The following SGCD variants were observed in gnomAD, a reference collection of about 807,000 sequenced individuals.
The protein encoded by SGCD is sarcoglycan delta.
Under a neutral mutation model 36.6 loss-of-function variants are expected in SGCD, and 18 were observed. The observed-to-expected ratio is 0.49, with a 90% confidence interval of 0.34 to 0.73. The LOEUF is 0.73. Ranked by LOEUF, SGCD falls within the 30% of genes least tolerant of loss-of-function variation. The probability of loss-of-function intolerance (pLI) is 0.01; values close to 1 mark genes in which losing one functional copy is unlikely to be tolerated. For missense variants in SGCD, 387 were observed against 346.7 expected, an observed-to-expected ratio of 1.12 and a Z score of -0.92; for synonymous variants, 133 against 130.6, an observed-to-expected ratio of 1.02 and a Z score of -0.12.
chr5:156,092,620 T>C (rs1373358097), intron 1 of SGCD, among the ~76,000 whole-genome samples: 1 of 152,238 alleles, frequency 6.6e-6, no homozygotes, highest in Non-Finnish European at 1.5e-5. Flanking sequence ...TACCCTTTTG[T>C]AGATTTCCAA....
At chr5:156,368,088 CT>C (rs112580356) in intron 3 of SGCD, among the ~76,000 whole-genome samples, 24 of 146,142 alleles carry the variant, frequency 1.6e-4, no homozygotes, top group East Asian at 3.9e-4. Flanking sequence ...TTCACGCTTG[CT>C]TTTTTTTTTT....
At chr5:156,680,730 G>A (rs1412745809) in intron 7 of SGCD, among the ~76,000 whole-genome samples, 1 of 152,246 alleles carries the variant, frequency 6.6e-6, no homozygotes, top group East Asian at 1.9e-4. Context: ...TGTGTGTGCT[G>A]TGTCTCAAGG....
At chr5:156,338,030 C>T (rs1768449006) in intron 2 of SGCD, among the ~76,000 whole-genome samples, 3 of 152,050 alleles carry the variant, frequency 2.0e-5, no homozygotes, top group African/African-American at 7.2e-5. Flanking sequence ...AGTAAAATGC[C>T]TGTCAATGCC....
chr5:156,703,199 C>G (rs1184886882), intron 7 of SGCD, among the ~76,000 whole-genome samples: 2 of 152,104 alleles, frequency 1.3e-5, no homozygotes, highest in Non-Finnish European at 2.9e-5. Flanking sequence ...GTCAGGCTAC[C>G]TTGTTAGCTT....
At chr5:155,749,248 A>G in the SGCD span, among the ~76,000 whole-genome samples, 2 of 152,196 alleles carry the variant, frequency 1.3e-5, no homozygotes, top group South Asian at 2.1e-4. Flanking sequence ...TGGGACACAC[A>G]GCTTGCAAGT....
At chr5:156,051,239 T>C (rs1177163001) in intron 1 of SGCD, among the ~76,000 whole-genome samples, 1 of 145,930 alleles carries the variant, frequency 6.9e-6, no homozygotes, top group African/African-American at 2.5e-5. Context: ...CCAGAGAAGT[T>C]TGAATTTGAG....
At chr5:156,464,394 G>A (rs1014420682) in intron 3 of SGCD, among the ~76,000 whole-genome samples, 1 of 151,744 alleles carries the variant, frequency 6.6e-6, no homozygotes, top group Non-Finnish European at 1.5e-5. Flanking sequence ...CTAATTTTTT[G>A]TATATTTAAT....
In SGCD at chr5:156,109,443, C is replaced by T. The variant is rs1049254678; in HGVS notation, c.-281-8435C>T. On this transcript the variant is annotated intron_variant, in intron 1 of 9. Transcript: ENST00000517913. ...GCTAGAAGTCTTTATTTTCCCTCAA[C>T]CCTAAAGACAGCTTTATATGTTTAA... Among the ~76,000 whole-genome samples the T allele has an allele frequency of 5.9e-5, 9 of 152,224 alleles. No homozygotes were observed. The East Asian group carries it at 1.5e-3, about 26-fold the overall frequency.
chr5:155,781,931 CAG>C, the SGCD span, among the ~76,000 whole-genome samples: 1 of 152,024 alleles, frequency 6.6e-6, no homozygotes, highest in African/African-American at 2.4e-5. Flanking sequence ...TGTCTTGAAA[CAG>C]GGGTCTTATG....
the SGCD span, among the ~76,000 whole-genome samples, chr5:155,854,990 C>CCAAG: frequency 2.0e-5 from 3 of 152,146 alleles, no homozygotes; most frequent in African/African-American, 7.2e-5. Flanking sequence ...ATGACTTGAA[C>CCAAG]CAAGGGTTTC....
chr5:156,321,500 G>C (rs1440039617), intron 3 of SGCD, among the ~76,000 whole-genome samples: 1 of 152,072 alleles, frequency 6.6e-6, no homozygotes, highest in Non-Finnish European at 1.5e-5. Context: ...GTGAGTCTTT[G>C]GTATTTTGTC....
intron 1 of SGCD, among the ~76,000 whole-genome samples, chr5:155,999,699 C>T (rs1758625045): frequency 6.6e-6 from 1 of 152,180 alleles, no homozygotes; most frequent in South Asian, 2.1e-4. Context: ...TTGGCAGAGA[C>T]AGATATGTTT....
intron 3 of SGCD, among the ~76,000 whole-genome samples, chr5:156,498,445 C>A (rs1483029154): frequency 6.6e-6 from 1 of 152,112 alleles, no homozygotes; most frequent in African/African-American, 2.4e-5. Flanking sequence ...GTCTTCTCCG[C>A]CCTAGACAAC....
intron 6 of SGCD, among the ~76,000 whole-genome samples, chr5:156,617,312 A>G (rs1430104108): frequency 6.6e-6 from 1 of 152,178 alleles, no homozygotes; most frequent in Non-Finnish European, 1.5e-5. Flanking sequence ...AAGATTCATA[A>G]AGGCCTAAAC....
At chr5:155,809,130 G>C in the SGCD span, among the ~76,000 whole-genome samples, 1 of 152,188 alleles carries the variant, frequency 6.6e-6, no homozygotes, top group African/African-American at 2.4e-5. Context: ...CTTCTGAACT[G>C]TTCCTGAAAG....
At chr5:156,119,729 G>T (rs1340272073) in intron 2 of SGCD, among the ~76,000 whole-genome samples, 2 of 152,038 alleles carry the variant, frequency 1.3e-5, no homozygotes, top group African/African-American at 4.8e-5. Flanking sequence ...GCCTTCTCGG[G>T]ATGCCCACCT....
chr5:156,108,992 A>G (rs1327605969), intron 1 of SGCD, among the ~76,000 whole-genome samples: 1 of 152,192 alleles, frequency 6.6e-6, no homozygotes, highest in Non-Finnish European at 1.5e-5. Context: ...CGTGCTTGCT[A>G]GTAACCCACC....
intron 3 of SGCD, among the ~76,000 whole-genome samples, chr5:156,382,584 G>A (rs1771045139): frequency 1.3e-5 from 2 of 151,796 alleles, no homozygotes; most frequent in Non-Finnish European, 2.9e-5. Flanking sequence ...TATGATGAGG[G>A]GTTTAAAATA....
chr5:156,737,745 T>TA (rs1391976886), intron 7 of SGCD, among the ~76,000 whole-genome samples: 3 of 152,200 alleles, frequency 2.0e-5, no homozygotes, highest in African/African-American at 7.2e-5. Context: ...GCAGTATACT[T>TA]ACATTGACTA....
Sources: allele counts gnomAD v4.1 joint callset (sites outside exome capture counted in the v4.1 genomes callset), GRCh38; gene constraint gnomAD v4.1.1; transcripts MANE v1.5; gene names NCBI Gene and HGNC (gene_info 2026-07-23, HGNC 2026-07-21).